SNX8: variants seen among roughly 807,000 people sequenced by gnomAD.
The protein encoded by SNX8 is sorting nexin-8.
SNX8 carries 25 observed loss-of-function variants against 51.6 expected under a neutral mutation model. The ratio of observed to expected loss-of-function variants is 0.48; its 90% CI spans 0.35 to 0.68. SNX8 has a LOEUF of 0.68. Among genes scored for constraint, SNX8 ranks in the 30% least tolerant of loss-of-function variants. The pLI is 0.00. For missense variants in SNX8, 695 were observed against 624.0 expected, an observed-to-expected ratio of 1.11 and a Z score of -1.21; for synonymous variants, 324 against 277.0, an observed-to-expected ratio of 1.17 and a Z score of -1.68.
chr7:2,314,602 G>T, upstream of SNX8: 1 of 439,436 alleles, frequency 2.3e-6, no homozygotes, highest in Non-Finnish European at 3.1e-6. Context: ...CCTACAACCC[G>T]CCTAGCCACG....
chr7:2,348,419 C>A (rs1779075097), intron 1 of SNX8, among the ~76,000 whole-genome samples: 1 of 149,244 alleles, frequency 6.7e-6, no homozygotes, highest in African/African-American at 2.5e-5. Flanking sequence ...CGGCTCACTG[C>A]AAGCTCCGCC....
chr7:2,312,119 C>T (rs909686346), intron 1 of SNX8, among the ~76,000 whole-genome samples: 41 of 152,058 alleles, frequency 2.7e-4, no homozygotes, highest in African/African-American at 7.5e-4. Flanking sequence ...CTGTGGATCC[C>T]ATCAGCACTC....
chr7:2,260,026 G>A (rs948771866), intron 7 of SNX8, among the ~76,000 whole-genome samples: 1 of 151,334 alleles, frequency 6.6e-6, no homozygotes, highest in Non-Finnish European at 1.5e-5. Flanking sequence ...GAGAAAGAAA[G>A]AGAGAGAGAG....
intron 9 of SNX8, 49 bp downstream of exon 9, chr7:2,257,316 C>A: frequency 2.5e-6 from 4 of 1,574,258 alleles, no homozygotes; most frequent in Non-Finnish European, 3.4e-6. Context: ...CCACCATGGC[C>A]GGGAGGGGAA....
chr7:2,291,182 T>C (rs1282678703), intron 1 of SNX8, among the ~76,000 whole-genome samples: 2 of 151,998 alleles, frequency 1.3e-5, no homozygotes, highest in African/African-American at 4.8e-5. Flanking sequence ...AATCTGTAGT[T>C]CCAGCTGCTT....
Position 2,338,199 on chromosome 7 carries a change from A to T in SNX8, c.-66+16023T>A, listed in dbSNP as rs184476626. Among the ~76,000 whole-genome samples the T allele has an allele frequency of 7.2e-5, 11 of 152,204 alleles. No homozygotes were observed. In the East Asian group the frequency reaches 2.1e-3, roughly 29 times the overall value. ...AAAAATTGGCCAGGCGCGGTGGCTC[A>T]CACCTGTAATCCCAGCACTTTGGGA... On this transcript the variant is annotated intron_variant, in intron 1 of 5. Coordinates refer to the SNX8 transcript ENST00000435336.
chr7:2,255,225 C>T (rs556113703), intron 10 of SNX8, 56 bp from the exon 11 acceptor site: 40 of 1,126,868 alleles, frequency 3.5e-5, no homozygotes, highest in South Asian at 3.1e-4. Flanking sequence ...CTCCTCCTCA[C>T]GCTCTGATCC....
rs1183875131 is a variant in SNX8, at chr7:2,257,818, G to A, written c.916-15C>T. 6.2e-7 allele frequency: 1 copy of A among 1,612,980 alleles called. No homozygotes were observed. The highest frequency in any genetic ancestry group is 1.1e-5 in the South Asian group (1 of 91,072). ...TCCTGCTTACCCTGGAAGGCGAGGG[G>A]GAGCTCACCCACGCGGACGCACATA... On this transcript the variant is annotated splice_polypyrimidine_tract_variant and intron_variant, in intron 7 of 10. Coordinates refer to ENST00000222990, the MANE Select transcript of SNX8 (RefSeq NM_013321.4).
intron 1 of SNX8, among the ~76,000 whole-genome samples, chr7:2,304,830 G>C (rs75722420): frequency 6.6e-6 from 1 of 152,084 alleles, no homozygotes; most frequent in South Asian, 2.1e-4. Context: ...TGCAAAACAC[G>C]GGCACTAAGT....
chr7:2,304,368 C>T (rs1028891562), intron 1 of SNX8, among the ~76,000 whole-genome samples: 2 of 148,204 alleles, frequency 1.3e-5, no homozygotes, highest in Non-Finnish European at 3.0e-5. Flanking sequence ...CAGGGTGAAA[C>T]CCCATCTCCA....
intron 7 of SNX8, among the ~76,000 whole-genome samples, chr7:2,258,513 G>A (rs1795253967): frequency 6.6e-6 from 1 of 152,104 alleles, no homozygotes; most frequent in African/African-American, 2.4e-5. Flanking sequence ...GAAAACCCGA[G>A]TTCCCATATA....
At chr7:2,336,540 C>T (rs1410201688) in intron 1 of SNX8, among the ~76,000 whole-genome samples, 6 of 151,870 alleles carry the variant, frequency 4.0e-5, no homozygotes, top group Admixed American at 3.9e-4. Flanking sequence ...AATCCCTTCT[C>T]TACTAAAAAT....
intron 1 of SNX8, among the ~76,000 whole-genome samples, chr7:2,336,215 A>G (rs576597027): frequency 6.6e-6 from 1 of 151,856 alleles, no homozygotes; most frequent in South Asian, 2.1e-4. Flanking sequence ...CAGCCTGACC[A>G]ACATGGAGAA....
chr7:2,334,349 G>C (rs530563310), intron 1 of SNX8, among the ~76,000 whole-genome samples: 1 of 151,948 alleles, frequency 6.6e-6, no homozygotes, highest in African/African-American at 2.4e-5. Context: ...GTTGCAGTGA[G>C]CTGAGATCGC....
rs1435932415 is a variant in SNX8 at position 2,254,513 on chromosome 7, C to A, written c.*543G>T. 1 of 167,760 alleles carries A rather than the reference C, an allele frequency of 6.0e-6. No homozygotes were observed. Among genetic ancestry groups the A allele is most frequent in the Non-Finnish European group, 1.3e-5 (1 of 76,722 alleles). 10.4% of individuals were successfully genotyped at this position (167,760 alleles called of 1,614,324 possible). On this transcript the variant is annotated 3_prime_UTR_variant, in exon 11 of 11. Coordinates refer to ENST00000222990, the MANE Select transcript of SNX8 (RefSeq NM_013321.4). ...CACAGGCCACTCCCAGACCAGGGCT[C>A]CAGGTGTTGACTGCAGCAATTTCCC...
chr7:2,286,509 G>T (rs1441696914), intron 1 of SNX8, among the ~76,000 whole-genome samples: 1 of 146,564 alleles, frequency 6.8e-6, no homozygotes. Flanking sequence ...TGTGCCATAC[G>T]GGCTATTTTA....
intron 1 of SNX8, among the ~76,000 whole-genome samples, chr7:2,280,949 T>C (rs1795893253): frequency 6.6e-6 from 1 of 152,038 alleles, no homozygotes; most frequent in Non-Finnish European, 1.5e-5. Context: ...TGCACCAATA[T>C]GCCCAGCTAA....
intron 6 of SNX8, 115 bp downstream of exon 6, chr7:2,264,183 G>A: frequency 9.9e-7 from 1 of 1,011,718 alleles, no homozygotes; most frequent in Non-Finnish European, 1.4e-6. Context: ...CTTCTGAGAT[G>A]AAACAGGTCA....
At chr7:2,338,156 T>C (rs553364953) in intron 1 of SNX8, among the ~76,000 whole-genome samples, 5 of 151,452 alleles carry the variant, frequency 3.3e-5, no homozygotes, top group Non-Finnish European at 5.9e-5. Flanking sequence ...CGAAACCCCA[T>C]CTCTACTAAA....
Sources: gnomAD v4.1 joint callset for allele counts (sites outside exome capture counted in the v4.1 genomes callset) on GRCh38, gnomAD v4.1.1 for gene constraint, MANE v1.5 for transcripts, NCBI Gene and HGNC (gene_info 2026-07-23, HGNC 2026-07-21) for gene names.